Variants in ATG16L1 observed in about 807,000 individuals in gnomAD.
ATG16L1 encodes the protein autophagy related 16 like 1, also known as autophagy-related protein 16-1.
Under a neutral mutation model 88.5 loss-of-function variants are expected in ATG16L1, and 37 were observed. That is an observed-to-expected ratio of 0.42 (90% CI 0.32 to 0.55). The LOEUF is 0.55. Ranked by LOEUF, ATG16L1 falls within the 20% of genes least tolerant of loss-of-function variation. ATG16L1 has a pLI of 0.13. For synonymous variants in ATG16L1, 301 were observed against 281.0 expected (o/e 1.07, Z -0.71); for missense variants, 554 against 752.8 (o/e 0.74, Z 3.09).
intron 2 of ATG16L1, among the ~76,000 whole-genome samples, chr2:233,261,517 C>T (rs1342086161): frequency 6.6e-6 from 1 of 152,120 alleles, no homozygotes; most frequent in Non-Finnish European, 1.5e-5. Flanking sequence ...GCCAGGTTGC[C>T]TCAAGATAAG....
intron 9 of ATG16L1, chr2:233,275,441 C>T (rs1698281530): frequency 2.9e-6 from 1 of 339,160 alleles, no homozygotes; most frequent in South Asian, 2.4e-5. Context: ...GGACTGACTC[C>T]AGTACTGGCC....
chr2:233,280,360 C>T (rs1410701147), intron 10 of ATG16L1, among the ~76,000 whole-genome samples: 2 of 152,162 alleles, frequency 1.3e-5, no homozygotes, highest in Non-Finnish European at 1.5e-5. Context: ...GATTTTTGCT[C>T]TTCTCAGTTT....
intron 7 of ATG16L1, chr2:233,273,367 A>G: frequency 2.0e-6 from 1 of 493,488 alleles, no homozygotes; most frequent in South Asian, 3.1e-5. Context: ...CATTCTTACT[A>G]GGGCTTCCCC....
intron 8 of ATG16L1, 136 bp downstream of exon 8, chr2:233,273,913 A>G: frequency 6.6e-7 from 1 of 1,522,128 alleles, no homozygotes; most frequent in Non-Finnish European, 8.9e-7. Flanking sequence ...TCAGCTTTTC[A>G]TTTAGCTTCT....
At chr2:233,266,651 C>T (rs1200991029) in intron 5 of ATG16L1, among the ~76,000 whole-genome samples, 3 of 152,106 alleles carry the variant, frequency 2.0e-5, no homozygotes, top group Admixed American at 2.0e-4. Flanking sequence ...AACAAGTTAG[C>T]ATATCAAAGA....
intron 8 of ATG16L1, chr2:233,274,027 T>G: frequency 1.3e-6 from 2 of 1,550,802 alleles, no homozygotes; most frequent in Non-Finnish European, 1.7e-6. Context: ...ATCATTCTTC[T>G]TCTGATGCTG....
rs1311620065 is a variant in ATG16L1, at chr2:233,295,333, AAAGTT to A, written c.*984_*988del. 1 of 152,830 alleles carries A rather than the reference AAAGTT, an allele frequency of 6.5e-6. No individual in the cohort carries two copies. Among genetic ancestry groups the A allele is most frequent in the Non-Finnish European group, 1.5e-5 (1 of 68,044 alleles). The allele number at this position is 152,830 out of a possible 1,614,324, so 9.5% of individuals were successfully genotyped here. Reference sequence around the variant, plus strand: ...TATCTTTACTATTTTACCTACGTATAAAGTTTTAGTTCATTGGGTGTGCGAAACAC... The same window carrying A: ...TATCTTTACTATTTTACCTACGTATATTAGTTCATTGGGTGTGCGAAACAC... On this transcript the variant is annotated 3_prime_UTR_variant, in exon 18 of 18. Transcript: ENST00000392017.
chr2:233,254,554 A>G (rs910481913), intron 1 of ATG16L1, among the ~76,000 whole-genome samples: 11 of 152,186 alleles, frequency 7.2e-5, no homozygotes, highest in African/African-American at 1.9e-4. Flanking sequence ...CTCCATCTCC[A>G]GCCTTCTCTT....
chr2:233,264,177 C>T (rs1321137784), intron 4 of ATG16L1, 112 bp downstream of exon 4: 23 of 1,039,574 alleles, frequency 2.2e-5, no homozygotes, highest in Non-Finnish European at 3.4e-5. Flanking sequence ...GTGCACTTAG[C>T]GAGAGTTTGA....
intron 16 of ATG16L1, among the ~76,000 whole-genome samples, chr2:233,292,643 C>G (rs1699539945): frequency 6.6e-6 from 1 of 152,188 alleles, no homozygotes; most frequent in Admixed American, 6.5e-5. Flanking sequence ...ACGTGTTGTA[C>G]CAAAAAATAA....
At chr2:233,278,111 A>G (rs981085557) in intron 10 of ATG16L1, among the ~76,000 whole-genome samples, 16 of 152,230 alleles carry the variant, frequency 1.1e-4, no homozygotes, top group African/African-American at 3.1e-4. Flanking sequence ...GGAAAAAATG[A>G]CTGGAGTCAT....
rs1391281152 is a variant in ATG16L1 at position 233,288,596 on chromosome 2, TAGAA to T, written c.1204-1252_1204-1249del. The T allele has an allele frequency of 7.3e-5, 27 of 372,362 alleles. No homozygotes were observed. In the Middle Eastern group the frequency reaches 5.9e-3, roughly 81 times the overall value. 23.1% of individuals were successfully genotyped at this position (372,362 alleles called of 1,614,324 possible). A position where few individuals can be genotyped will look rare whatever the true frequency, so the allele number is the denominator to read the frequency against. ...TTTGCCAACCCTTGCATTTTCTAAT[TAGAA>T]AGAAAACATCAGTGAATACCTTCTG... On this transcript the variant is annotated intron_variant, in intron 12 of 17. Coordinates refer to ENST00000392017, the MANE Select transcript of ATG16L1 (RefSeq NM_030803.7).
At chr2:233,275,586 T>C in intron 9 of ATG16L1, 1 of 412,228 alleles carries the variant, frequency 2.4e-6, no homozygotes, top group South Asian at 1.8e-5. Flanking sequence ...AGTTACACAG[T>C]GGACTGGCTG....
At position 233,292,169 on chromosome 2, in the gene ATG16L1, T is replaced by G; in HGVS notation, c.1472T>G (p.Ile491Ser). Residue 491 changes from isoleucine to serine, a missense_variant, in exon 15 of 18, where the codon ATT becomes AGT. Coordinates refer to ENST00000392017, the MANE Select transcript of ATG16L1 (RefSeq NM_030803.7). Reference sequence around the variant, plus strand: ...CGAGAGATGGAGCTGTTGGGAAAGATTACTGCCCTGGACTTAAACCCAGAA... The same window carrying G: ...CGAGAGATGGAGCTGTTGGGAAAGAGTACTGCCCTGGACTTAAACCCAGAA... ...IVREMELLGKITALDLNPERT... is the reference protein window; with the variant it reads ...IVREMELLGKSTALDLNPERT... 1 of 1,614,190 alleles carries G rather than the reference T, an allele frequency of 6.2e-7. No individual in the cohort carries two copies. The highest frequency in any genetic ancestry group is 8.5e-7 in the Non-Finnish European group (1 of 1,180,018).
At chr2:233,262,947 TCTC>T (rs1405316866) in intron 2 of ATG16L1, among the ~76,000 whole-genome samples, 180 bp from the exon 3 acceptor site, 1 of 152,150 alleles carries the variant, frequency 6.6e-6, no homozygotes, top group Non-Finnish European at 1.5e-5. Context: ...GTGTTTCATG[TCTC>T]CTCCTTTCCA....
chr2:233,266,198 G>GGGAGGCGGAGGCGGAGGC (rs138169752), intron 5 of ATG16L1: 5 of 151,248 alleles, frequency 3.3e-5, no homozygotes, highest in African/African-American at 7.3e-5. Context: ...CCAGCACTTT[G>GGGAGGCGGAGGCGGAGGC]GGAGGCGGAG....
chr2:233,263,254 C>T lies in ATG16L1; in HGVS notation c.315+19C>T, dbSNP rs1310874193. ...TGGGGAGGTAAAGCTAGCCCTTTTCCTCATCTGTCTTCTGCCCTCTATGAG... is the reference window on the plus strand; with the variant it reads ...TGGGGAGGTAAAGCTAGCCCTTTTCTTCATCTGTCTTCTGCCCTCTATGAG... On this transcript the variant is annotated intron_variant, in intron 3 of 17. Coordinates refer to ENST00000392017, the MANE Select transcript of ATG16L1 (RefSeq NM_030803.7). 1 of 1,604,802 alleles carries T rather than the reference C, an allele frequency of 6.2e-7. No individual in the cohort carries two copies. Among genetic ancestry groups the T allele is most frequent in the Non-Finnish European group, 8.5e-7 (1 of 1,172,794 alleles).
At chr2:233,255,185 C>T (rs150966259) in intron 1 of ATG16L1, among the ~76,000 whole-genome samples, 1 of 152,074 alleles carries the variant, frequency 6.6e-6, no homozygotes, top group Non-Finnish European at 1.5e-5. Context: ...AGGCTGTTCT[C>T]GAACTCCTGA....
At chr2:233,263,478 A>G (rs1447890647) in intron 3 of ATG16L1, among the ~76,000 whole-genome samples, 1 of 152,202 alleles carries the variant, frequency 6.6e-6, no homozygotes, top group East Asian at 1.9e-4. Flanking sequence ...CAAAATCAGC[A>G]TGAGAGGCAA....
Sources: allele counts gnomAD v4.1 joint callset (sites outside exome capture counted in the v4.1 genomes callset), GRCh38; gene constraint gnomAD v4.1.1; transcripts MANE v1.5; gene names NCBI Gene and HGNC (gene_info 2026-07-23, HGNC 2026-07-21).